The following TRPC6 variants were observed in gnomAD, a reference collection of about 807,000 sequenced individuals.
TRPC6 encodes transient receptor potential cation channel subfamily C member 6.
In TRPC6, 55 loss-of-function variants were observed where a neutral mutation model predicts 90.7. The observed-to-expected ratio is 0.61, with a 90% CI of 0.49 to 0.76. TRPC6 has a LOEUF of 0.76. Among genes scored for constraint, TRPC6 ranks in the 30% least tolerant of loss-of-function variants. The pLI, the probability that TRPC6 is intolerant of heterozygous loss-of-function variation, is 0.00. For missense variants in TRPC6, 989 were observed against 1,122.7 expected (o/e 0.88, Z 1.70); for synonymous variants, 393 against 393.0 (o/e 1.00, Z 0.00).
At chr11:101,461,665 TTC>T (rs1213309731) in intron 10 of TRPC6, among the ~76,000 whole-genome samples, 3 of 152,232 alleles carry the variant, frequency 2.0e-5, no homozygotes, top group African/African-American at 7.2e-5. Flanking sequence ...CCCTTTATCT[TTC>T]TGTCTGTACA....
intron 10 of TRPC6, among the ~76,000 whole-genome samples, chr11:101,468,216 T>C (rs1859195916): frequency 6.6e-6 from 1 of 152,084 alleles, no homozygotes; most frequent in Admixed American, 6.5e-5. Flanking sequence ...ACCTGTAATA[T>C]TGTTTTTTGG....
intron 12 of TRPC6, 84 bp from the exon 13 acceptor site, chr11:101,453,190 T>C: frequency 7.7e-7 from 1 of 1,303,024 alleles, no homozygotes; most frequent in Non-Finnish European, 1.1e-6. Context: ...GGAAATCAGC[T>C]CTAATTTCAC....
chr11:101,580,700 G>T (rs888483226), intron 1 of TRPC6, among the ~76,000 whole-genome samples: 1 of 152,086 alleles, frequency 6.6e-6, no homozygotes, highest in African/African-American at 2.4e-5. Context: ...AAGAGTCATA[G>T]AATTTATTCC....
At chr11:101,471,001 A>G (rs1374824499) in intron 9 of TRPC6, among the ~76,000 whole-genome samples, 182 bp downstream of exon 9, 1 of 152,072 alleles carries the variant, frequency 6.6e-6, no homozygotes, top group Non-Finnish European at 1.5e-5. Context: ...TTTAAGTAGG[A>G]AATGTCCAGT....
chr11:101,500,078 T>TATAC lies in TRPC6; in HGVS notation c.945+3945_945+3946insGTAT, dbSNP rs1253960486. ...ATATGTGTGTGTGTATATATATATA[T>TATAC]ACACACACACAATTTTTCTTTCCTT... On this transcript the variant is annotated intron_variant, in intron 2 of 12. Transcript: ENST00000344327. 1.4e-4 allele frequency among the ~76,000 whole-genome samples: 20 copies of TATAC among 144,218 alleles called. 2 individuals are homozygous for TATAC. The highest frequency in any genetic ancestry group is 5.3e-4 in the African/African-American group (20 of 37,500). The allele number at this position is 144,218 out of a possible 152,430, so 94.6% of individuals were successfully genotyped here. A position where few individuals can be genotyped will look rare whatever the true frequency, so the allele number is the denominator to read the frequency against.
intron 11 of TRPC6, among the ~76,000 whole-genome samples, chr11:101,454,772 T>C (rs1253683921): frequency 6.6e-6 from 1 of 152,116 alleles, no homozygotes; most frequent in Non-Finnish European, 1.5e-5. Flanking sequence ...AAGGTTTGCC[T>C]TTTCAATGAA....
At chr11:101,540,630 G>GA (rs1379424804) in intron 1 of TRPC6, among the ~76,000 whole-genome samples, 1 of 152,026 alleles carries the variant, frequency 6.6e-6, no homozygotes, top group Non-Finnish European at 1.5e-5. Context: ...GAAGATGTTA[G>GA]AAAAAACATG....
chr11:101,464,075 T>C (rs1362129903), intron 10 of TRPC6, among the ~76,000 whole-genome samples: 2 of 152,230 alleles, frequency 1.3e-5, no homozygotes, highest in Non-Finnish European at 2.9e-5. Flanking sequence ...CCAGTAGTCA[T>C]TCAGGAGCAG....
intron 1 of TRPC6, among the ~76,000 whole-genome samples, chr11:101,524,051 C>T (rs183354566): frequency 1.2e-4 from 18 of 152,292 alleles, no homozygotes; most frequent in Admixed American, 9.2e-4. Flanking sequence ...CACAGGATTA[C>T]CCATACATAC....
chr11:101,523,758 C>T (rs1422260329), intron 1 of TRPC6, among the ~76,000 whole-genome samples: 6 of 152,204 alleles, frequency 3.9e-5, no homozygotes, highest in African/African-American at 1.2e-4. Context: ...CCAATCTCTA[C>T]TCAAATACTT....
In TRPC6 at chr11:101,473,670, T is replaced by C. The variant is rs753504287; in HGVS notation, c.1848A>G (p.Ala616=). ...TCTGCAGAGGTCCAAAGCTTTCATT[T>C]GCTGGTAAAATATAAGCTATCCTAG... The part of the protein sequence containing the change: ...SFSRIAYILP[A]NESFGPLQIS... The change falls in exon 7 of 13, where the codon GCA becomes GCG. Residue 616 remains alanine, a synonymous_variant. Coordinates refer to ENST00000344327, the MANE Select transcript of TRPC6 (RefSeq NM_004621.6). 8.1e-6 allele frequency: 13 copies of C among 1,613,810 alleles called. No individual in the cohort carries two copies. The East Asian group carries it at 2.9e-4, about 36-fold the overall frequency.
chr11:101,478,875 T>C (rs954523853), intron 5 of TRPC6, among the ~76,000 whole-genome samples: 5 of 152,184 alleles, frequency 3.3e-5, no homozygotes, highest in African/African-American at 1.2e-4. Context: ...AATTTCTTTT[T>C]ACAAAAAACA....
chr11:101,535,207 GAAGGAAGGAAGGAAGGAAGGAAGGAAGA>G (rs1450602115), intron 1 of TRPC6, among the ~76,000 whole-genome samples: 42 of 78,608 alleles, frequency 5.3e-4, no homozygotes, highest in Non-Finnish European at 9.5e-4. Context: ...AGGAAGGAAG[GAAGGAAGGAAGGAAGGAAGGAAGGAAGA>G]AAACACAAAG....
chr11:101,575,053 T>C (rs1353832161), intron 1 of TRPC6, among the ~76,000 whole-genome samples: 1 of 152,172 alleles, frequency 6.6e-6, no homozygotes, highest in African/African-American at 2.4e-5. Flanking sequence ...TGTAATTGAT[T>C]CCTGGCAACT....
rs200983258 is a variant in TRPC6 at position 101,548,258 on chromosome 11, TATAC to T, written c.170+35072_170+35075del. On this transcript the variant is annotated intron_variant, in intron 1 of 12. Transcript: ENST00000344327. ...CAGCCTAAGAACTAGATCATATATA[TATAC>T]ATATATATATAATTTATATATATAA... is the stretch of plus-strand genomic sequence containing the variant. Among the ~76,000 whole-genome samples, 62 of 117,592 alleles carry T rather than the reference TATAC, an allele frequency of 5.3e-4. 1 individual carries two copies. The highest frequency in any genetic ancestry group is 3.0e-3 in the Admixed American group (34 of 11,366). 77.1% of individuals were successfully genotyped at this position (117,592 alleles called of 152,430 possible).
chr11:101,550,909 C>T (rs904494917), intron 1 of TRPC6, among the ~76,000 whole-genome samples: 7 of 151,444 alleles, frequency 4.6e-5, no homozygotes, highest in African/African-American at 1.7e-4. Flanking sequence ...AAGATGATTC[C>T]CATAGTTTAT....
chr11:101,514,245 G>C (rs1030041148), intron 1 of TRPC6, among the ~76,000 whole-genome samples: 2 of 150,892 alleles, frequency 1.3e-5, no homozygotes, highest in African/African-American at 2.4e-5. Context: ...AGGCACATTG[G>C]GGGTACAGCC....
rs762309848 is a variant in TRPC6 at position 101,491,534 on chromosome 11, C to T, written c.1128+22G>A. 6 of 1,612,166 alleles carry T rather than the reference C, an allele frequency of 3.7e-6. No homozygotes were observed. In the African/African-American group the frequency reaches 4.0e-5, roughly 11 times the overall value. ...CCAACAAGAACCAAAATAATGTAAA[C>T]GGGCTTCACGCCTGACCTTACTTTT... On this transcript the variant is annotated intron_variant, in intron 3 of 12. Transcript: ENST00000344327.
At chr11:101,581,084 A>G (rs1862186631) in intron 1 of TRPC6, among the ~76,000 whole-genome samples, 1 of 152,222 alleles carries the variant, frequency 6.6e-6, no homozygotes, top group African/African-American at 2.4e-5. Context: ...AACCAAACCC[A>G]AATTCTAGAG....
Sources: gnomAD v4.1 joint callset for allele counts (sites outside exome capture counted in the v4.1 genomes callset) on GRCh38, gnomAD v4.1.1 for gene constraint, MANE v1.5 for transcripts, NCBI Gene and HGNC (gene_info 2026-07-23, HGNC 2026-07-21) for gene names.